Variants in ADGRB3 observed in about 807,000 individuals in gnomAD.
ADGRB3 encodes adhesion G protein-coupled receptor B3.
A neutral mutation model predicts 193.4 loss-of-function variants in ADGRB3; 37 were observed. The observed-to-expected ratio is 0.19, with a 90% CI of 0.15 to 0.25. The LOEUF (loss-of-function observed/expected upper bound fraction) is 0.25, where lower values mean the gene tolerates loss of function less well. Among genes scored for constraint, ADGRB3 ranks in the 10% least tolerant of loss-of-function variants. ADGRB3 has a pLI of 1.00. For synonymous variants in ADGRB3, 690 were observed against 644.2 expected, an observed-to-expected ratio of 1.07 and a Z score of -1.08; for missense variants, 1,637 against 1,852.9, an observed-to-expected ratio of 0.88 and a Z score of 2.14.
chr6:69,102,403 T>C (rs1773086251), intron 17 of ADGRB3, among the ~76,000 whole-genome samples: 1 of 152,234 alleles, frequency 6.6e-6, no homozygotes, highest in Non-Finnish European at 1.5e-5. Flanking sequence ...CAAATATGTG[T>C]ATGTTTGTAC....
chr6:69,103,699 T>C (rs1696819255), intron 17 of ADGRB3, among the ~76,000 whole-genome samples: 1 of 151,726 alleles, frequency 6.6e-6, no homozygotes. Context: ...TGACTCCTCT[T>C]ACATATACAC....
At chr6:68,838,226 A>G (rs1768083214) in intron 3 of ADGRB3, among the ~76,000 whole-genome samples, 1 of 152,112 alleles carries the variant, frequency 6.6e-6, no homozygotes, top group African/African-American at 2.4e-5. Context: ...TCATTTCCCA[A>G]TGTCTCCTCA....
intron 17 of ADGRB3, among the ~76,000 whole-genome samples, chr6:69,211,895 A>AC (rs1765675478): frequency 6.6e-6 from 1 of 152,228 alleles, no homozygotes; most frequent in Non-Finnish European, 1.5e-5. Flanking sequence ...TTACAACCAC[A>AC]TGTATTTTAC....
At chr6:68,718,846 G>C (rs544401670) in intron 3 of ADGRB3, among the ~76,000 whole-genome samples, 1 of 151,884 alleles carries the variant, frequency 6.6e-6, no homozygotes, top group South Asian at 2.1e-4. Context: ...TTTGTAAATA[G>C]TGTCTTATGG....
intron 26 of ADGRB3, among the ~76,000 whole-genome samples, chr6:69,349,918 T>G (rs1769186182): frequency 6.6e-6 from 1 of 152,196 alleles, no homozygotes; most frequent in South Asian, 2.1e-4. Flanking sequence ...TTTGTCTGAA[T>G]TGCAACACTG....
At chr6:68,765,537 GACACACACACACAC>G (rs59919588) in intron 3 of ADGRB3, among the ~76,000 whole-genome samples, 13 of 143,462 alleles carry the variant, frequency 9.1e-5, no homozygotes, top group South Asian at 2.3e-4. Context: ...TATTCTTATA[GACACACACACACAC>G]ACACACACAC....
At chr6:68,817,543 C>A (rs115621639) in intron 3 of ADGRB3, among the ~76,000 whole-genome samples, 1,880 of 151,254 alleles carry the variant, frequency 0.012, 36 homozygotes, top group African/African-American at 0.044. Context: ...TAAAATAGTA[C>A]TTTTCAGTGA....
At chr6:68,724,098 T>TAAA (rs564880605) in intron 3 of ADGRB3, among the ~76,000 whole-genome samples, 1 of 146,206 alleles carries the variant, frequency 6.8e-6, no homozygotes, top group Non-Finnish European at 1.5e-5. Flanking sequence ...CATGAAATAT[T>TAAA]AAAAAAAAAA....
At chr6:68,714,636 T>C (rs934151234) in intron 3 of ADGRB3, among the ~76,000 whole-genome samples, 5 of 151,794 alleles carry the variant, frequency 3.3e-5, no homozygotes, top group Admixed American at 2.0e-4. Flanking sequence ...GTTTGTAAAA[T>C]GGTAAACTTG....
intron 3 of ADGRB3, among the ~76,000 whole-genome samples, chr6:68,745,992 A>T (rs17197964): frequency 6.6e-6 from 1 of 152,074 alleles, no homozygotes; most frequent in Non-Finnish European, 1.5e-5. Context: ...TATTTATTGC[A>T]AAATTGCTAC....
At chr6:68,995,011 A>G (rs1769344312) in intron 11 of ADGRB3, among the ~76,000 whole-genome samples, 1 of 152,218 alleles carries the variant, frequency 6.6e-6, no homozygotes, top group Non-Finnish European at 1.5e-5. Context: ...TGCTAAAATC[A>G]TATGCATATA....
intron 3 of ADGRB3, among the ~76,000 whole-genome samples, chr6:68,869,236 G>A (rs1395867945): frequency 6.6e-6 from 1 of 152,012 alleles, no homozygotes; most frequent in Non-Finnish European, 1.5e-5. Context: ...AGACTCCCAA[G>A]TTTTTAATCC....
chr6:68,855,717 T>C lies in ADGRB3; in HGVS notation c.758-74842T>C, dbSNP rs145345915. Among the ~76,000 whole-genome samples the C allele has an allele frequency of 8.8e-3, 1,346 of 152,276 alleles. 34 individuals carry two copies. The highest frequency in any genetic ancestry group is 0.031 in the African/African-American group (1,285 of 41,564). On this transcript the variant is annotated intron_variant, in intron 3 of 31. Coordinates refer to ENST00000370598, the MANE Select transcript of ADGRB3 (RefSeq NM_001704.3). ...GTATTGCCCAATATTAAGAATGTAC[T>C]GGATTAGTAATAATTCTAGTCCAGG...
At chr6:69,224,726 T>C (rs1686732961) in intron 17 of ADGRB3, among the ~76,000 whole-genome samples, 1 of 152,208 alleles carries the variant, frequency 6.6e-6, no homozygotes, top group South Asian at 2.1e-4. Flanking sequence ...TCTTCAGTTT[T>C]ATTCAAATTT....
At chr6:69,021,819 T>G (rs569356256) in intron 13 of ADGRB3, among the ~76,000 whole-genome samples, 2 of 151,902 alleles carry the variant, frequency 1.3e-5, no homozygotes, top group Admixed American at 1.3e-4. Flanking sequence ...CCTGTCTATA[T>G]TGGCTTTTGA....
intron 2 of ADGRB3, among the ~76,000 whole-genome samples, chr6:68,637,844 C>T (rs1347827842): frequency 6.6e-6 from 1 of 150,886 alleles, no homozygotes; most frequent in African/African-American, 2.4e-5. Flanking sequence ...GATACAGATA[C>T]TAATACAGTG....
chr6:69,006,203 A>G (rs1407965168), intron 11 of ADGRB3, among the ~76,000 whole-genome samples: 1 of 152,126 alleles, frequency 6.6e-6, no homozygotes, highest in African/African-American at 2.4e-5. Context: ...ATAGGATACT[A>G]TGAGGTAGAG....
At chr6:69,239,035 C>T in intron 19 of ADGRB3, 89 bp from the exon 20 acceptor site, 1 of 589,090 alleles carries the variant, frequency 1.7e-6, no homozygotes, top group Non-Finnish European at 2.9e-6. Flanking sequence ...ACTTATTTTT[C>T]CAGATGAATG....
chr6:68,677,723 T>C (rs914466865), intron 3 of ADGRB3, among the ~76,000 whole-genome samples: 3 of 151,912 alleles, frequency 2.0e-5, no homozygotes, highest in Non-Finnish European at 4.4e-5. Flanking sequence ...TTCACCATGT[T>C]GGTCAGGCTG....
Sources: allele counts gnomAD v4.1 joint callset (sites outside exome capture counted in the v4.1 genomes callset), GRCh38; gene constraint gnomAD v4.1.1; transcripts MANE v1.5; gene names NCBI Gene and HGNC (gene_info 2026-07-23, HGNC 2026-07-21).